The following CNTN1 variants were observed in gnomAD, a reference collection of about 807,000 sequenced individuals.
CNTN1 encodes contactin 1, also known as contactin-1.
A neutral mutation model predicts 126.4 loss-of-function variants in CNTN1; 38 were observed. That is an observed-to-expected ratio of 0.30 (90% CI 0.23 to 0.39). The LOEUF (loss-of-function observed/expected upper bound fraction) is 0.39, where lower values mean the gene tolerates loss of function less well. Among genes scored for constraint, CNTN1 ranks in the 10% least tolerant of loss-of-function variants. The pLI, the probability that CNTN1 is intolerant of heterozygous loss-of-function variation, is 1.00. For missense variants in CNTN1, 1,009 were observed against 1,248.4 expected (o/e 0.81, Z 2.89); for synonymous variants, 413 against 422.6 (o/e 0.98, Z 0.28).
chr12:40,937,726 G>A, intron 11 of CNTN1, 39 bp downstream of exon 11: 1 of 1,140,270 alleles, frequency 8.8e-7, no homozygotes, highest in African/African-American at 1.5e-5. Context: ...CATTGTTAAA[G>A]CAATATGTCA....
At chr12:40,821,067 G>A (rs1941427295) in intron 1 of CNTN1, among the ~76,000 whole-genome samples, 2 of 152,132 alleles carry the variant, frequency 1.3e-5, no homozygotes, top group African/African-American at 2.4e-5. Flanking sequence ...AAGCTCAAAA[G>A]TTCTAAAATA....
intron 1 of CNTN1, among the ~76,000 whole-genome samples, chr12:40,737,285 A>ATGTGTG (rs34925321): frequency 0.017 from 2,453 of 141,120 alleles, 30 homozygotes; most frequent in South Asian, 0.02. Flanking sequence ...TAGGATATAT[A>ATGTGTG]TGTGTGTGTG....
intron 1 of CNTN1, among the ~76,000 whole-genome samples, chr12:40,750,170 G>A (rs1383047945): frequency 6.6e-6 from 1 of 152,010 alleles, no homozygotes; most frequent in Non-Finnish European, 1.5e-5. Context: ...GACAGTAACT[G>A]GATGAGGATG....
chr12:40,939,732 T>C (rs896729769), intron 12 of CNTN1, among the ~76,000 whole-genome samples: 7 of 152,108 alleles, frequency 4.6e-5, no homozygotes, highest in Non-Finnish European at 7.3e-5. Flanking sequence ...AGGTGTTTTT[T>C]TGTTGTCTTG....
chr12:40,805,363 C>T (rs1400748403), intron 1 of CNTN1, among the ~76,000 whole-genome samples: 1 of 151,868 alleles, frequency 6.6e-6, no homozygotes, highest in Non-Finnish European at 1.5e-5. Context: ...CATCATTTTT[C>T]CTTTTATGTG....
intron 17 of CNTN1, among the ~76,000 whole-genome samples, chr12:40,999,908 G>T (rs930665610): frequency 2.6e-5 from 4 of 151,668 alleles, no homozygotes; most frequent in African/African-American, 7.3e-5. Flanking sequence ...GGGTTTCACT[G>T]TGTTAGCCAG....
chr12:40,765,282 G>C (rs10879146), intron 1 of CNTN1, among the ~76,000 whole-genome samples: 39,995 of 151,890 alleles, frequency 0.26, 5,628 homozygotes, highest in African/African-American at 0.35. Context: ...GAACAGGTTC[G>C]AGTAATATGT....
chr12:40,723,564 G>T (rs1480336234), intron 1 of CNTN1, among the ~76,000 whole-genome samples: 1 of 152,142 alleles, frequency 6.6e-6, no homozygotes, highest in Admixed American at 6.6e-5. Context: ...GTTTTTTAAA[G>T]TGTTTTATGA....
intron 1 of CNTN1, among the ~76,000 whole-genome samples, chr12:40,893,655 G>C (rs1944313486): frequency 2.6e-5 from 4 of 152,054 alleles, no homozygotes; most frequent in Non-Finnish European, 5.9e-5. Flanking sequence ...CTTTTAGTTA[G>C]AGAGCCATGA....
At chr12:40,945,145 C>T (rs1007052488) in intron 14 of CNTN1, among the ~76,000 whole-genome samples, 9 of 152,034 alleles carry the variant, frequency 5.9e-5, no homozygotes, top group African/African-American at 2.2e-4. Context: ...TACCAATACT[C>T]TTTCAGTTTC....
chr12:40,795,741 C>T (rs976700860), intron 1 of CNTN1, among the ~76,000 whole-genome samples: 3 of 152,010 alleles, frequency 2.0e-5, no homozygotes, highest in Non-Finnish European at 4.4e-5. Context: ...TAGTTTATGC[C>T]AGATTTATGC....
chr12:40,730,637 A>C (rs571897699), intron 1 of CNTN1, among the ~76,000 whole-genome samples: 1 of 152,320 alleles, frequency 6.6e-6, no homozygotes, highest in African/African-American at 2.4e-5. Context: ...AGTCATTGTC[A>C]TTATTAGAGT....
chr12:40,827,959 G>C (rs1054274118), intron 1 of CNTN1: 3 of 152,156 alleles, frequency 2.0e-5, no homozygotes, highest in African/African-American at 7.2e-5. Flanking sequence ...TGCATTAAGT[G>C]ACTGCAGTGA....
intron 12 of CNTN1, among the ~76,000 whole-genome samples, chr12:40,940,620 C>T (rs1267515826): frequency 6.6e-6 from 1 of 152,056 alleles, no homozygotes; most frequent in African/African-American, 2.4e-5. Context: ...TAAACTAGAA[C>T]TTGAAGTTGT....
chr12:40,939,773 A>C (rs1424521707), intron 12 of CNTN1, among the ~76,000 whole-genome samples: 1 of 152,146 alleles, frequency 6.6e-6, no homozygotes, highest in Non-Finnish European at 1.5e-5. Flanking sequence ...TCACACAGCT[A>C]ATAAACAATG....
chr12:40,720,003 A>C (rs1170496828), intron 1 of CNTN1, among the ~76,000 whole-genome samples: 1 of 127,238 alleles, frequency 7.9e-6, no homozygotes, highest in Non-Finnish European at 1.7e-5. Flanking sequence ...CGCCCGGTTA[A>C]TTTTTTTTTT....
At chr12:40,869,016 T>A (rs1168640655) in intron 1 of CNTN1, among the ~76,000 whole-genome samples, 1 of 151,980 alleles carries the variant, frequency 6.6e-6, no homozygotes, top group African/African-American at 2.4e-5. Context: ...TTTTCAGAAA[T>A]ATTAAAGTCA....
chr12:40,807,546 T>C (rs1300327728), intron 1 of CNTN1, among the ~76,000 whole-genome samples: 1 of 152,166 alleles, frequency 6.6e-6, no homozygotes, highest in African/African-American at 2.4e-5. Context: ...TTTCAAGGAC[T>C]CTGGAATAGT....
intron 15 of CNTN1, among the ~76,000 whole-genome samples, chr12:40,960,273 T>C (rs181876701): frequency 6.6e-6 from 1 of 152,178 alleles, no homozygotes; most frequent in Admixed American, 6.6e-5. Flanking sequence ...TTCGTAGCTC[T>C]CTCTTTCTGT....
Sources: allele counts gnomAD v4.1 joint callset (sites outside exome capture counted in the v4.1 genomes callset), GRCh38; gene constraint gnomAD v4.1.1; transcripts MANE v1.5; gene names NCBI Gene and HGNC (gene_info 2026-07-23, HGNC 2026-07-21).